VPS13B: variants seen among roughly 807,000 people sequenced by gnomAD.
VPS13B encodes intermembrane lipid transfer protein VPS13B.
Under a neutral mutation model 426.4 loss-of-function variants are expected in VPS13B, and 285 were observed. The ratio of observed to expected loss-of-function variants is 0.67; its 90% CI spans 0.61 to 0.74. The LOEUF (loss-of-function observed/expected upper bound fraction) is 0.74, where lower values mean the gene tolerates loss of function less well. VPS13B is among the 30% of genes least tolerant of loss of function. The probability of loss-of-function intolerance (pLI) is 0.00; values close to 1 mark genes in which losing one functional copy is unlikely to be tolerated. For synonymous variants in VPS13B, 1,676 were observed against 1,676.4 expected (o/e 1.00, Z 0.01); for missense variants, 4,537 against 4,782.6 (o/e 0.95, Z 1.51).
chr8:99,859,522 CCTT>C (rs1207665482), intron 57 of VPS13B, 42 bp downstream of exon 57: 15 of 1,592,202 alleles, frequency 9.4e-6, no homozygotes, highest in Non-Finnish European at 1.2e-5. Context: ...TCACTCCTTC[CCTT>C]TTTTTTTTTT....
chr8:99,416,044 T>TA (rs1356031793), intron 21 of VPS13B, among the ~76,000 whole-genome samples: 1 of 152,182 alleles, frequency 6.6e-6, no homozygotes, highest in Non-Finnish European at 1.5e-5. Context: ...TGCTCTGTCC[T>TA]AGGGAGATGG....
At chr8:99,798,223 A>G (rs1046454133) in intron 43 of VPS13B, among the ~76,000 whole-genome samples, 1 of 148,944 alleles carries the variant, frequency 6.7e-6, no homozygotes, top group African/African-American at 2.5e-5. Flanking sequence ...TAATTGAAAT[A>G]GCCAAAAAAA....
At position 99,743,150 on chromosome 8, in the gene VPS13B, G is replaced by A. The variant is rs1809852464; in HGVS notation, c.7050+22103G>A. The stretch of plus-strand genomic sequence containing the variant: ...AAGTCTCACGATACAAAATCACTGT[G>A]CAAAAATCACAAGCATTCTTATACA... On this transcript the variant is annotated intron_variant, in intron 39 of 61. Transcript: ENST00000357162. Among the ~76,000 whole-genome samples, 3 of 152,226 alleles carry A rather than the reference G, an allele frequency of 2.0e-5. No homozygotes were observed. In the South Asian group the frequency reaches 6.2e-4, roughly 32 times the overall value.
intron 3 of VPS13B, among the ~76,000 whole-genome samples, chr8:99,050,873 A>T (rs1394424183): frequency 2.0e-5 from 3 of 151,890 alleles, no homozygotes; most frequent in Non-Finnish European, 4.4e-5. Context: ...CCACTTTTTG[A>T]TGGGGTTGTT....
At chr8:99,399,263 T>G (rs1401284128) in intron 21 of VPS13B, among the ~76,000 whole-genome samples, 1 of 152,164 alleles carries the variant, frequency 6.6e-6, no homozygotes, top group East Asian at 1.9e-4. Flanking sequence ...TATTTTTATT[T>G]CTAAATCAAA....
intron 3 of VPS13B, among the ~76,000 whole-genome samples, chr8:99,088,369 A>G (rs948339983): frequency 5.9e-5 from 9 of 152,080 alleles, no homozygotes; most frequent in Non-Finnish European, 1.0e-4. Flanking sequence ...TCATTTTGCA[A>G]TGTTAGAGCA....
At chr8:99,530,120 T>G (rs986494465) in intron 30 of VPS13B, among the ~76,000 whole-genome samples, 2 of 152,182 alleles carry the variant, frequency 1.3e-5, no homozygotes, top group African/African-American at 2.4e-5. Flanking sequence ...TTTAAAAATG[T>G]TTTTTCTTTG....
intron 19 of VPS13B, among the ~76,000 whole-genome samples, chr8:99,351,297 G>A (rs532972584): frequency 1.1e-4 from 16 of 152,222 alleles, no homozygotes; most frequent in South Asian, 4.1e-4. Flanking sequence ...ATTCGGATTA[G>A]ATAATTCCTA....
intron 17 of VPS13B, among the ~76,000 whole-genome samples, chr8:99,246,307 A>C (rs1370871015): frequency 6.6e-6 from 1 of 152,170 alleles, no homozygotes; most frequent in Non-Finnish European, 1.5e-5. Context: ...CTTTCAATAA[A>C]ATCTTTTTGT....
At chr8:99,150,733 C>T (rs1475892117) in intron 14 of VPS13B, among the ~76,000 whole-genome samples, 1 of 152,152 alleles carries the variant, frequency 6.6e-6, no homozygotes, top group Admixed American at 6.6e-5. Flanking sequence ...CTTCTTTGCA[C>T]TTACTAATAT....
intron 34 of VPS13B, among the ~76,000 whole-genome samples, chr8:99,644,429 T>C (rs1157922628): frequency 6.6e-6 from 1 of 152,222 alleles, no homozygotes; most frequent in African/African-American, 2.4e-5. Context: ...AGATAGGCAT[T>C]TGAATTATAA....
intron 17 of VPS13B, among the ~76,000 whole-genome samples, chr8:99,235,626 A>G (rs1816598654): frequency 1.3e-5 from 2 of 152,170 alleles, no homozygotes; most frequent in Admixed American, 1.3e-4. Context: ...TGCATATTAT[A>G]TATAAAATTT....
At chr8:99,107,640 G>A (rs368806416) in intron 5 of VPS13B, among the ~76,000 whole-genome samples, 21 of 152,032 alleles carry the variant, frequency 1.4e-4, no homozygotes, top group African/African-American at 4.8e-4. Flanking sequence ...CTAAAATATT[G>A]ACATTGCCCA....
At chr8:99,232,849 A>T (rs2132861330) in intron 17 of VPS13B, among the ~76,000 whole-genome samples, 1 of 152,228 alleles carries the variant, frequency 6.6e-6, no homozygotes, top group East Asian at 1.9e-4. Flanking sequence ...GTTCTGGCAA[A>T]CCTGGCTGAC....
chr8:99,126,963 C>T (rs1056556766), intron 8 of VPS13B, among the ~76,000 whole-genome samples: 3 of 152,022 alleles, frequency 2.0e-5, no homozygotes, highest in East Asian at 3.9e-4. Context: ...AGCAGGATGG[C>T]GTGTGCCTGT....
chr8:99,680,624 C>T (rs1831120046), intron 35 of VPS13B, among the ~76,000 whole-genome samples: 1 of 152,158 alleles, frequency 6.6e-6, no homozygotes, highest in Non-Finnish European at 1.5e-5. Context: ...GAAATTAGAT[C>T]TGGCAGAGAC....
At position 99,115,803 on chromosome 8, in the gene VPS13B, T is replaced by C. The variant is rs761127593; in HGVS notation, c.866T>C (p.Ile289Thr). ...GGAATTGCTCTTTACTATGGAGAAA[T>C]AGGCAATTTTAAAGAAGGCGAAATA... ...QLGIALYYGE[I>T]GNFKEGEIED... is the part of the protein sequence containing the mutation. Residue 289 changes from isoleucine to threonine, a missense_variant, in exon 7 of 62, where the codon ATA (isoleucine) becomes ACA (threonine). Around this residue, in one of 2 missense-constraint regions of VPS13B, gnomAD observed 4,311 missense variants for 4,474.3 expected, o/e 0.96. Coordinates refer to ENST00000357162, the MANE Select transcript of VPS13B (RefSeq NM_152564.5). 6 of 1,613,698 alleles carry C rather than the reference T, an allele frequency of 3.7e-6. No individual in the cohort carries two copies. Among genetic ancestry groups the C allele is most frequent in the Non-Finnish European group, 5.1e-6 (6 of 1,179,810 alleles).
chr8:99,113,822 C>G (rs1181192681), intron 6 of VPS13B, among the ~76,000 whole-genome samples: 1 of 152,206 alleles, frequency 6.6e-6, no homozygotes, highest in Non-Finnish European at 1.5e-5. Flanking sequence ...CTCAGCCTCC[C>G]AAAGTGCTGG....
intron 33 of VPS13B, among the ~76,000 whole-genome samples, chr8:99,586,560 G>GCTGAT (rs1826309374): frequency 6.6e-6 from 1 of 152,068 alleles, no homozygotes; most frequent in Non-Finnish European, 1.5e-5. Context: ...TTAATATAAG[G>GCTGAT]CTGATTCTGA....
Sources: allele counts gnomAD v4.1 joint callset (sites outside exome capture counted in the v4.1 genomes callset), GRCh38; gene constraint gnomAD v4.1.1; regional missense constraint gnomAD v4.1.1; transcripts MANE v1.5; gene names NCBI Gene and HGNC (gene_info 2026-07-23, HGNC 2026-07-21).